Variants in OTOA observed in about 807,000 individuals in gnomAD.
OTOA encodes cancer/testis antigen 108.
OTOA carries 70 observed loss-of-function variants against 110.8 expected under a neutral mutation model. That is an observed-to-expected ratio of 0.63 (90% CI 0.52 to 0.77). OTOA has a LOEUF of 0.77. OTOA is among the 30% of genes least tolerant of loss of function. OTOA has a pLI of 0.00. For missense variants in OTOA, 917 were observed against 1,075.8 expected (o/e 0.85, Z 2.06); for synonymous variants, 373 against 431.5 (o/e 0.86, Z 1.68).
rs1246804822 is a variant in OTOA at position 21,700,951 on chromosome 16, C to A, written c.904C>A (p.Pro302Thr). 4.3e-6 allele frequency: 7 copies of A among 1,613,968 alleles called. No homozygotes were observed. The highest frequency in any genetic ancestry group is 5.9e-6 in the Non-Finnish European group (7 of 1,180,026). ...GCTGGACATGGTCTATGACATCACA[C>A]CTGAGCTGGCCCAGGCGTTTCTGGA... ...KQLDMVYDIT[P>T]ELAQAFLERI... Residue 302 changes from proline (P) to threonine (T), a missense_variant, in exon 11 of 29, where the codon CCT becomes ACT. Pro to Thr is a conservative substitution (Grantham distance 38). Coordinates refer to ENST00000646100, the MANE Select transcript of OTOA (RefSeq NM_144672.4).
At chr16:21,726,394 G>A in intron 18 of OTOA, 129 bp from the exon 19 acceptor site, 2 of 1,342,448 alleles carry the variant, frequency 1.5e-6, no homozygotes, top group South Asian at 2.5e-5. Flanking sequence ...GGGAGCCAAA[G>A]CATCACTGGG....
At chr16:21,675,784 T>A (rs1966856597) in intron 1 of OTOA, among the ~76,000 whole-genome samples, 1 of 152,120 alleles carries the variant, frequency 6.6e-6, no homozygotes, top group African/African-American at 2.4e-5. Flanking sequence ...TTCTTGAACT[T>A]CCAGAGTGTA....
chr16:21,726,948 C>A (rs1898936883), intron 19 of OTOA, among the ~76,000 whole-genome samples: 1 of 151,664 alleles, frequency 6.6e-6, no homozygotes, highest in Non-Finnish European at 1.5e-5. Flanking sequence ...GGTGAATCAC[C>A]TTTCCTCCCT....
rs1567384267 is a variant in OTOA at position 21,714,336 on chromosome 16, T to TTCCTTC, written c.1321-649_1321-648insTCCTTC. On this transcript the variant is annotated intron_variant, in intron 13 of 28. Coordinates refer to ENST00000646100, the MANE Select transcript of OTOA (RefSeq NM_144672.4). ...TCCTTCCTTCCTTCCTTCCTTCCTT[T>TTCCTTC]CTTTCTTTCTTTCTTTCCTTCTCTC... 2.9e-3 allele frequency among the ~76,000 whole-genome samples: 176 copies of TTCCTTC among 61,272 alleles called. 1 individual carries two copies. The highest frequency in any genetic ancestry group is 7.9e-3 in the African/African-American group (133 of 16,772). 40.2% of individuals were successfully genotyped at this position (61,272 alleles called of 152,430 possible). A position where few individuals can be genotyped will look rare whatever the true frequency, so the allele number is the denominator to read the frequency against.
intron 5 of OTOA, among the ~76,000 whole-genome samples, chr16:21,679,433 C>T (rs539391946): frequency 7.2e-5 from 11 of 152,202 alleles, no homozygotes; most frequent in Non-Finnish European, 1.5e-4. Flanking sequence ...TGGAGTTTCG[C>T]TCTTGTTGCC....
chr16:21,684,753 ATTATTATTATTATTT>A (rs567726861), intron 6 of OTOA, among the ~76,000 whole-genome samples: 14,845 of 94,856 alleles, frequency 0.16, 1,080 homozygotes, highest in Non-Finnish European at 0.22. Flanking sequence ...TATTATTATT[ATTATTATTATTATTT>A]TTTAGGTGGA....
At position 21,678,508 on chromosome 16, in the gene OTOA, C is replaced by T. The variant is rs1966867205; in HGVS notation, c.-4-3C>T. The T allele has an allele frequency of 6.2e-7, 1 of 1,606,870 alleles. No individual in the cohort carries two copies. Among genetic ancestry groups the T allele is most frequent in the Non-Finnish European group, 8.5e-7 (1 of 1,174,402 alleles). On this transcript the variant is annotated splice_region_variant and splice_polypyrimidine_tract_variant and intron_variant, in intron 1 of 28. Coordinates refer to ENST00000646100, the MANE Select transcript of OTOA (RefSeq NM_144672.4). Reference sequence around the variant, plus strand: ...ATCACTTCTATGCTTAAATTAACTACAGGAGAATGTCTCAGGAACCTACGA... The same window carrying T: ...ATCACTTCTATGCTTAAATTAACTATAGGAGAATGTCTCAGGAACCTACGA...
At chr16:21,709,369 G>A (rs139038585) in intron 12 of OTOA, among the ~76,000 whole-genome samples, 29 of 152,166 alleles carry the variant, frequency 1.9e-4, no homozygotes, top group African/African-American at 7.0e-4. Flanking sequence ...GGAGGTTGCA[G>A]TGTTGCAGTG....
At position 21,706,018 on chromosome 16, in the gene OTOA, A is replaced by G. The variant is rs566429113; in HGVS notation, c.1104+726A>G. On this transcript the variant is annotated intron_variant, in intron 12 of 28. Transcript: ENST00000646100. ...GGTAGGAGGATCGCTTGAGCCCAGG[A>G]GTGCCAGCCTGCAGTGAGCTATGAT... Among the ~76,000 whole-genome samples the G allele has an allele frequency of 6.6e-5, 10 of 152,114 alleles. No homozygotes were observed. The South Asian group carries it at 2.1e-3, about 32-fold the overall frequency.
chr16:21,696,044 G>T (rs1387580054), intron 9 of OTOA, among the ~76,000 whole-genome samples: 1 of 151,028 alleles, frequency 6.6e-6, no homozygotes, highest in Non-Finnish European at 1.5e-5. Flanking sequence ...ACAGGCGTGC[G>T]CTACCACGCC....
chr16:21,691,467 G>A lies in OTOA; in HGVS notation c.636-117G>A, dbSNP rs1478882101. On this transcript the variant is annotated intron_variant, in intron 8 of 28. Transcript: ENST00000646100. ...AGCGTTTCTATTTCTCCACATCCAG[G>A]AGAGGGAAGGGTTTTAACACAAGAC... 4.7e-5 allele frequency: 37 copies of A among 795,012 alleles called. No individual in the cohort carries two copies. The Admixed American group carries it at 5.8e-4, about 13-fold the overall frequency. The allele number at this position is 795,012 out of a possible 1,614,324, so 49.2% of individuals were successfully genotyped here. A position where few individuals can be genotyped will look rare whatever the true frequency, so the allele number is the denominator to read the frequency against.
In OTOA at chr16:21,678,669, A is replaced by AG. The variant is rs1488563093; in HGVS notation, c.91+65dup. The AG allele has an allele frequency of 5.6e-6, 8 of 1,419,352 alleles. No individual in the cohort carries two copies. In the African/African-American group the frequency reaches 8.5e-5, roughly 15 times the overall value. The allele number at this position is 1,419,352 out of a possible 1,614,324, so 87.9% of individuals were successfully genotyped here. On this transcript the variant is annotated intron_variant, in intron 2 of 28. Coordinates refer to ENST00000646100, the MANE Select transcript of OTOA (RefSeq NM_144672.4). Reference sequence around the variant, plus strand: ...CACAGTTTAGGGAATGAGGTGGGATAGATACATTAGGTACATGATGCTGTA... The same window carrying AG: ...CACAGTTTAGGGAATGAGGTGGGATAGGATACATTAGGTACATGATGCTGTA...
At chr16:21,750,181 G>A (rs2141755902) in intron 24 of OTOA, among the ~76,000 whole-genome samples, 1 of 152,338 alleles carries the variant, frequency 6.6e-6, no homozygotes, top group Admixed American at 6.5e-5. Flanking sequence ...TTGGGAGGCT[G>A]AAACGGGCAG....
chr16:21,687,468 G>A lies in OTOA; in HGVS notation c.455G>A (p.Ser152Asn), dbSNP rs759649728. Residue 152 changes from serine (S) to asparagine (N), a missense_variant, in exon 8 of 29, where the codon AGC becomes AAC. By Grantham distance (46) the Ser-to-Asn change is conservative. Transcript: ENST00000646100. ...LGEIRERALQ[S>N]PGVNRSLFLI... is the part of the protein sequence containing the mutation. ...GAGATTCGAGAACGAGCCTTGCAGA[G>A]CCCTGGCGTGAACCGCAGCCTGTTT... is the stretch of plus-strand genomic sequence containing the variant. 5 of 1,614,058 alleles carry A rather than the reference G, an allele frequency of 3.1e-6. No individual in the cohort carries two copies. The Admixed American group carries it at 6.7e-5, about 22-fold the overall frequency.
chr16:21,722,282 A>C (rs943881215), intron 17 of OTOA, among the ~76,000 whole-genome samples: 8 of 149,884 alleles, frequency 5.3e-5, no homozygotes, highest in Non-Finnish European at 8.9e-5. Flanking sequence ...AAAAAAAAAA[A>C]CACAAGTGAG....
At chr16:21,666,255 T>C (rs1966840153) in intron 1 of OTOA, among the ~76,000 whole-genome samples, 1 of 151,784 alleles carries the variant, frequency 6.6e-6, no homozygotes, top group Non-Finnish European at 1.5e-5. Context: ...TTTTTTTTTT[T>C]TTTTTTGGTG....
chr16:21,726,043 T>C (rs966356711), intron 18 of OTOA, among the ~76,000 whole-genome samples: 1 of 152,208 alleles, frequency 6.6e-6, no homozygotes, highest in South Asian at 2.1e-4. Context: ...CTCTTTTTCT[T>C]ATCTTTCTTT....
chr16:21,701,066 A>G, intron 11 of OTOA, 39 bp downstream of exon 11: 3 of 1,613,680 alleles, frequency 1.9e-6, no homozygotes, highest in Non-Finnish European at 2.5e-6. Flanking sequence ...CCCTTTCCCA[A>G]GATGTGATCT....
chr16:21,714,975 C>T lies in OTOA; in HGVS notation c.1321-10C>T. The T allele has an allele frequency of 6.2e-7, 1 of 1,614,088 alleles. No homozygotes were observed. The highest frequency in any genetic ancestry group is 8.5e-7 in the Non-Finnish European group (1 of 1,179,994). The stretch of plus-strand genomic sequence containing the variant: ...AGCAGAGCCTGACTGCGCAGCCGCT[C>T]CTCTTCCAGGTGCTGTCTTTCTACA... On this transcript the variant is annotated splice_polypyrimidine_tract_variant and intron_variant, in intron 13 of 28. Coordinates refer to ENST00000646100, the MANE Select transcript of OTOA (RefSeq NM_144672.4).
Sources: gnomAD v4.1 joint callset for allele counts (sites outside exome capture counted in the v4.1 genomes callset) on GRCh38, gnomAD v4.1.1 for gene constraint, MANE v1.5 for transcripts, NCBI Gene and HGNC (gene_info 2026-07-23, HGNC 2026-07-21) for gene names.